Variants in SGCZ observed in about 807,000 individuals in gnomAD.
SGCZ encodes the protein zeta-sarcoglycan.
SGCZ carries 40 observed loss-of-function variants against 41.3 expected under a neutral mutation model. That is an observed-to-expected ratio of 0.97 (90% CI 0.75 to 1.26). SGCZ has a LOEUF of 1.26. Ranked by LOEUF, SGCZ falls within the 50% of genes most tolerant of loss-of-function variation. The probability of loss-of-function intolerance (pLI) is 0.00; values close to 1 mark genes in which losing one functional copy is unlikely to be tolerated. For synonymous variants in SGCZ, 206 were observed against 137.5 expected, an observed-to-expected ratio of 1.50 and a Z score of -3.49; for missense variants, 552 against 369.8, an observed-to-expected ratio of 1.49 and a Z score of -4.04.
intron 2 of SGCZ, among the ~76,000 whole-genome samples, chr8:14,398,633 A>AT (rs763912443): frequency 9.2e-4 from 140 of 152,108 alleles, no homozygotes; most frequent in South Asian, 2.5e-3. Context: ...CAAGATTTTT[A>AT]TTTTTTTTAA....
chr8:14,519,625 A>C (rs1802729601), intron 2 of SGCZ, among the ~76,000 whole-genome samples: 2 of 152,140 alleles, frequency 1.3e-5, no homozygotes, highest in Admixed American at 6.6e-5. Context: ...GAATGGAAGA[A>C]TATTTCCTGG....
chr8:15,138,106 G>C (rs1394334426), intron 1 of SGCZ, among the ~76,000 whole-genome samples: 2 of 152,196 alleles, frequency 1.3e-5, no homozygotes, highest in Non-Finnish European at 1.5e-5. Context: ...GGAATCAAAG[G>C]AGATCATTTT....
At chr8:14,210,685 T>C (rs955318653) in intron 4 of SGCZ, among the ~76,000 whole-genome samples, 6 of 152,072 alleles carry the variant, frequency 3.9e-5, no homozygotes, top group Non-Finnish European at 7.4e-5. Flanking sequence ...CAAGCTGTTC[T>C]TGATATCCTG....
At chr8:15,137,822 T>C (rs1585602475) in intron 1 of SGCZ, among the ~76,000 whole-genome samples, 1 of 152,172 alleles carries the variant, frequency 6.6e-6, no homozygotes, top group Admixed American at 6.5e-5. Flanking sequence ...TAGGACAGCA[T>C]GGAAGGGAAA....
chr8:14,281,677 G>C (rs1254014500), intron 3 of SGCZ, among the ~76,000 whole-genome samples: 1 of 151,954 alleles, frequency 6.6e-6, no homozygotes, highest in African/African-American at 2.4e-5. Flanking sequence ...CATCAAAAAG[G>C]CATTGCTTCT....
At chr8:14,941,455 C>G (rs1372085873) in intron 1 of SGCZ, among the ~76,000 whole-genome samples, 3 of 151,998 alleles carry the variant, frequency 2.0e-5, no homozygotes, top group Non-Finnish European at 4.4e-5. Context: ...ATATAATTAA[C>G]AGGAAAATAA....
chr8:14,736,725 T>C (rs1216230343), intron 1 of SGCZ, among the ~76,000 whole-genome samples: 1 of 152,150 alleles, frequency 6.6e-6, no homozygotes, highest in African/African-American at 2.4e-5. Flanking sequence ...GAATATACGA[T>C]GTTTGGTTTT....
chr8:15,177,968 G>A (rs1409514181), intron 1 of SGCZ, among the ~76,000 whole-genome samples: 1 of 152,124 alleles, frequency 6.6e-6, no homozygotes, highest in African/African-American at 2.4e-5. Context: ...GAATACAACA[G>A]AATAATTTCT....
chr8:15,176,150 C>A (rs913349426), intron 1 of SGCZ, among the ~76,000 whole-genome samples: 6 of 152,140 alleles, frequency 3.9e-5, no homozygotes, highest in African/African-American at 1.4e-4. Flanking sequence ...TTCTTACACA[C>A]CAAACTCAAA....
intron 1 of SGCZ, among the ~76,000 whole-genome samples, chr8:15,040,677 A>G (rs1277146729): frequency 6.6e-6 from 1 of 152,202 alleles, no homozygotes; most frequent in African/African-American, 2.4e-5. Context: ...TATTTAGTTG[A>G]TCGTACTGCT....
At chr8:14,267,147 G>C (rs905708586) in intron 3 of SGCZ, among the ~76,000 whole-genome samples, 1 of 151,972 alleles carries the variant, frequency 6.6e-6, no homozygotes, top group African/African-American at 2.4e-5. Flanking sequence ...CCAGATAAGA[G>C]TTATTATTAT....
At chr8:14,521,363 C>T (rs993474571) in intron 2 of SGCZ, among the ~76,000 whole-genome samples, 10 of 152,064 alleles carry the variant, frequency 6.6e-5, no homozygotes, top group African/African-American at 2.4e-4. Context: ...GAGATTCCTC[C>T]AGGTCCTTGT....
chr8:14,652,353 G>GA (rs1244868288), intron 1 of SGCZ, among the ~76,000 whole-genome samples: 4 of 97,064 alleles, frequency 4.1e-5, no homozygotes, highest in Non-Finnish European at 6.8e-5. Context: ...AAAAGGGGGG[G>GA]GTGTGGGGGG....
intron 1 of SGCZ, among the ~76,000 whole-genome samples, chr8:14,591,809 A>G (rs1805248957): frequency 6.6e-6 from 1 of 152,146 alleles, no homozygotes; most frequent in Non-Finnish European, 1.5e-5. Flanking sequence ...ACGAGACTTA[A>G]GTCAGCATGT....
At chr8:15,067,209 T>C (rs1805184761) in intron 1 of SGCZ, among the ~76,000 whole-genome samples, 2 of 152,050 alleles carry the variant, frequency 1.3e-5, no homozygotes, top group Admixed American at 6.6e-5. Flanking sequence ...AAAACCCATA[T>C]CCTCCGGCTT....
chr8:14,843,473 G>T (rs753188286), intron 1 of SGCZ, among the ~76,000 whole-genome samples: 7 of 152,178 alleles, frequency 4.6e-5, no homozygotes, highest in Non-Finnish European at 8.8e-5. Context: ...ATCTTGTTAA[G>T]TGCTTACTAC....
chr8:14,096,349 T>G, intron 7 of SGCZ, among the ~76,000 whole-genome samples: 1 of 152,160 alleles, frequency 6.6e-6, no homozygotes, highest in East Asian at 1.9e-4. Context: ...TTCCTGCATC[T>G]ATTGAGATAA....
At position 14,798,210 on chromosome 8, in the gene SGCZ, G is replaced by C. The variant is rs550712656; in HGVS notation, c.40-243284C>G. Among the ~76,000 whole-genome samples the C allele has an allele frequency of 4.6e-5, 7 of 152,232 alleles. No individual in the cohort carries two copies. In the South Asian group the frequency reaches 1.0e-3, roughly 23 times the overall value. ...AAATCGTTTTAAAAACTCCCACCCA[G>C]TTGATATAAAAAATCATTGACCCAA... On this transcript the variant is annotated intron_variant, in intron 1 of 7. Transcript: ENST00000382080.
At chr8:14,210,692 C>T (rs1416764904) in intron 4 of SGCZ, among the ~76,000 whole-genome samples, 3 of 151,890 alleles carry the variant, frequency 2.0e-5, no homozygotes, top group Non-Finnish European at 4.4e-5. Context: ...TTCTTGATAT[C>T]CTGACCTCAG....
Sources: gnomAD v4.1 joint callset for allele counts (sites outside exome capture counted in the v4.1 genomes callset) on GRCh38, gnomAD v4.1.1 for gene constraint, MANE v1.5 for transcripts, NCBI Gene and HGNC (gene_info 2026-07-23, HGNC 2026-07-21) for gene names.